The following TLE6 variants were observed in gnomAD, a reference collection of about 807,000 sequenced individuals.
TLE6 encodes the protein TLE family member 6, subcortical maternal complex member.
A neutral mutation model predicts 77.1 loss-of-function variants in TLE6; 72 were observed. The observed-to-expected ratio is 0.93, with a 90% CI of 0.77 to 1.14. The LOEUF (loss-of-function observed/expected upper bound fraction) is 1.14, where lower values mean the gene tolerates loss of function less well. Ranked by LOEUF, TLE6 falls within the 50% of genes most tolerant of loss-of-function variation. The pLI is 0.00. For missense variants in TLE6, 843 were observed against 747.6 expected, an observed-to-expected ratio of 1.13 and a Z score of -1.49; for synonymous variants, 366 against 287.3, an observed-to-expected ratio of 1.27 and a Z score of -2.77.
At position 2,980,035 on chromosome 19, in the gene TLE6, G is replaced by C. The variant is rs1055002920; in HGVS notation, c.52-65G>C. On this transcript the variant is annotated intron_variant, in intron 2 of 16. Transcript: ENST00000246112. ...CTAATGCCTATGCCATGTTGAGGTG[G>C]AGACCGGGGGTCTTGGGTGTTGGAG... 4.5e-6 allele frequency: 6 copies of C among 1,325,838 alleles called. No individual in the cohort carries two copies. In the African/African-American group the frequency reaches 8.8e-5, roughly 19 times the overall value. The allele number at this position is 1,325,838 out of a possible 1,614,324, so 82.1% of individuals were successfully genotyped here.
At chr19:2,984,790 G>A (rs1259728375) in intron 5 of TLE6, among the ~76,000 whole-genome samples, 1 of 151,902 alleles carries the variant, frequency 6.6e-6, no homozygotes, top group East Asian at 1.9e-4. Flanking sequence ...CTTTGAACAT[G>A]GCTACTAGAC....
intron 13 of TLE6, among the ~76,000 whole-genome samples, chr19:2,990,688 T>G (rs1028568657): frequency 9.9e-6 from 1 of 101,228 alleles, no homozygotes; most frequent in Non-Finnish European, 2.0e-5. Context: ...TACATAAATA[T>G]ATACATAAAT....
At chr19:2,988,362 C>T (rs148045676) in intron 11 of TLE6, among the ~76,000 whole-genome samples, 274 of 152,046 alleles carry the variant, frequency 1.8e-3, no homozygotes, top group African/African-American at 6.0e-3. Context: ...TTTGGGAGGC[C>T]GAGGCGGGCA....
chr19:2,993,292 G>A (rs567313224), intron 14 of TLE6, 140 bp from the exon 15 acceptor site: 15 of 754,806 alleles, frequency 2.0e-5, no homozygotes, highest in Admixed American at 6.7e-5. Context: ...GCACAGATAC[G>A]AAGTTGCTTG....
chr19:2,987,306 C>T, intron 7 of TLE6, 50 bp from the exon 8 acceptor site: 1 of 1,614,186 alleles, frequency 6.2e-7, no homozygotes, highest in Non-Finnish European at 8.5e-7. Flanking sequence ...GTGCAGTGAA[C>T]CCTGCTGTTC....
intron 2 of TLE6, among the ~76,000 whole-genome samples, chr19:2,978,815 G>A (rs2088732963): frequency 6.6e-6 from 1 of 152,074 alleles, no homozygotes; most frequent in South Asian, 2.1e-4. Context: ...TCATGTATTT[G>A]GTTGATGTTT....
chr19:2,988,204 C>T (rs759142104), intron 11 of TLE6, 76 bp downstream of exon 11: 82 of 1,440,544 alleles, frequency 5.7e-5, no homozygotes, highest in Middle Eastern at 2.0e-4. Context: ...CCTCTGTTCC[C>T]GACACATAGA....
At chr19:2,990,329 G>A (rs904434105) in intron 13 of TLE6, among the ~76,000 whole-genome samples, 3 of 151,372 alleles carry the variant, frequency 2.0e-5, no homozygotes, top group Non-Finnish European at 2.9e-5. Flanking sequence ...TTGGCCGGGC[G>A]CAGTGGCTCA....
rs1568214205 is a variant in TLE6, at chr19:2,987,908, ACCTGAGGCCTCCTCCAGTCCC to A, written c.644_664del (p.Ala215_Glu221del). 2 of 1,609,428 alleles carry A rather than the reference ACCTGAGGCCTCCTCCAGTCCC, an allele frequency of 1.2e-6. No homozygotes were observed. The highest frequency in any genetic ancestry group is 1.7e-6 in the Non-Finnish European group (2 of 1,176,974). On this transcript the variant is annotated inframe_deletion, in exon 10 of 17. Coordinates refer to ENST00000246112, the MANE Select transcript of TLE6 (RefSeq NM_001143986.2). ...TTGTCTCCCCACTAGCCCCCAGGCC[ACCTGAGGCCTCCTCCAGTCCC>A]CCTGAGGGTTCCCAAGACAGGAACA...
chr19:2,977,451 T>G (rs943562413), upstream of TLE6: 1 of 150,806 alleles, frequency 6.6e-6, no homozygotes, highest in Non-Finnish European at 1.5e-5. Context: ...CCTTCATTGA[T>G]CTGCTTCGCG....
chr19:2,990,369 G>A (rs894245697), intron 13 of TLE6, among the ~76,000 whole-genome samples: 2 of 151,502 alleles, frequency 1.3e-5, no homozygotes, highest in Admixed American at 1.3e-4. Context: ...TAGGGAGGCC[G>A]AGGCAGGCAG....
intron 2 of TLE6, among the ~76,000 whole-genome samples, chr19:2,979,832 C>G (rs910264229): frequency 6.7e-6 from 1 of 148,960 alleles, no homozygotes; most frequent in Admixed American, 6.7e-5. Context: ...GAGGGGGGCG[C>G]GGGCGCATGT....
chr19:2,995,071 AG>A lies in TLE6; in HGVS notation c.*72del. The A allele has an allele frequency of 1.1e-6, 1 of 943,692 alleles. No individual in the cohort carries two copies. Among genetic ancestry groups the A allele is most frequent in the Admixed American group, 2.1e-5 (1 of 47,674 alleles). The allele number at this position is 943,692 out of a possible 1,614,324, so 58.5% of individuals were successfully genotyped here. A position where few individuals can be genotyped will look rare whatever the true frequency, so the allele number is the denominator to read the frequency against. ...TCCCCCCCCTTCCCCCCCCCCAACAAGGGGGACATGGTGGAGGGAAGCGGGA... is the reference window on the plus strand; with the variant it reads ...TCCCCCCCCTTCCCCCCCCCCAACAAGGGGACATGGTGGAGGGAAGCGGGA... On this transcript the variant is annotated 3_prime_UTR_variant, in exon 17 of 17. Coordinates refer to ENST00000246112, the MANE Select transcript of TLE6 (RefSeq NM_001143986.2).
rs1410956466 is a variant in TLE6 at position 2,987,772 on chromosome 19, T to C, written c.607T>C (p.Cys203Arg). The C allele has an allele frequency of 3.1e-6, 5 of 1,614,108 alleles. No individual in the cohort carries two copies. The highest frequency in any genetic ancestry group is 4.2e-6 in the Non-Finnish European group (5 of 1,180,016). Residue 203 changes from cysteine (C) to arginine (R), a missense_variant, in exon 9 of 17, where the codon TGT becomes CGT. Transcript: ENST00000246112. ...ATCCTGTGACCCAGGAACAGACCCA[T>C]GTCCTGAAGATGCCTCCAGTAATCC... ...PGSCDPGTDP[C>R]PEDASTPRPP...
chr19:2,990,569 C>T lies in TLE6; in HGVS notation c.1244+784C>T, dbSNP rs986757116. ...CGGTGAGCCGAGATCTGTGCCACTGCGTTCCCAGCCTGGGCGACAGAGCAA... is the reference window on the plus strand; with the variant it reads ...CGGTGAGCCGAGATCTGTGCCACTGTGTTCCCAGCCTGGGCGACAGAGCAA... On this transcript the variant is annotated intron_variant, in intron 13 of 16. Transcript: ENST00000246112. Among the ~76,000 whole-genome samples the T allele has an allele frequency of 1.2e-4, 18 of 149,170 alleles. No homozygotes were observed. In the East Asian group the frequency reaches 3.5e-3, roughly 29 times the overall value.
At chr19:2,993,964 C>CTGGGAAGGA in intron 15 of TLE6, 55 bp from the exon 16 acceptor site, 2 of 1,072,004 alleles carry the variant, frequency 1.9e-6, no homozygotes. Flanking sequence ...AGGATGAACT[C>CTGGGAAGGA]TGGGAAGGAA....
At chr19:2,993,687 A>C in intron 15 of TLE6, 105 bp downstream of exon 15, 2 of 1,409,298 alleles carry the variant, frequency 1.4e-6, no homozygotes, top group Non-Finnish European at 1.9e-6. Context: ...ACACCTCAGA[A>C]CCCTTCTGTA....
rs370444362 is a variant in TLE6, at chr19:2,989,184, C to T, written c.864C>T (p.Leu288=). 35 of 1,614,002 alleles carry T rather than the reference C, an allele frequency of 2.2e-5. No individual in the cohort carries two copies. Among genetic ancestry groups the T allele is most frequent in the Middle Eastern group, 3.3e-4 (2 of 6,084 alleles). The part of the protein sequence containing the change: ...EKMRILAHGE[L]VLATAISSFT... ...TGCGGATCTTGGCACACGGGGAGCT[C>T]GTGCTCGCCACGGCCATCAGCAGCT... Residue 288 remains leucine (L), a synonymous_variant, in exon 12 of 17, where the codon CTC becomes CTT. Coordinates refer to ENST00000246112, the MANE Select transcript of TLE6 (RefSeq NM_001143986.2).
Position 2,986,844 on chromosome 19 carries a change from C to T in TLE6, c.238C>T (p.Gln80Ter), listed in dbSNP as rs1440065409. Residue 80 changes from glutamine (Q) to a stop codon, truncating the protein, a stop_gained, in exon 6 of 17, where the codon CAG becomes TAG. Transcript: ENST00000246112. LOFTEE classifies it high-confidence loss of function. Reference sequence around the variant, plus strand: ...CTCCTTCTAGATAGGAAACGTCTTACAGATTGTGGAGAGCTGCAGCCAACT... The same window carrying T: ...CTCCTTCTAGATAGGAAACGTCTTATAGATTGTGGAGAGCTGCAGCCAACT... ...EHHKQIGNVLQIVESCSQLQG... is the reference protein window; with the variant it reads ...EHHKQIGNVL 1.9e-6 allele frequency: 3 copies of T among 1,551,588 alleles called. No homozygotes were observed. The African/African-American group carries it at 4.1e-5, about 21-fold the overall frequency.
Sources: allele counts gnomAD v4.1 joint callset (sites outside exome capture counted in the v4.1 genomes callset), GRCh38; gene constraint gnomAD v4.1.1; transcripts MANE v1.5; gene names NCBI Gene and HGNC (gene_info 2026-07-23, HGNC 2026-07-21).